TRPS1: variants seen among roughly 807,000 people sequenced by gnomAD.
TRPS1 encodes zinc finger transcription factor Trps1.
TRPS1 carries 6 observed loss-of-function variants against 101.2 expected under a neutral mutation model. The observed-to-expected ratio is 0.06, with a 90% CI of 0.03 to 0.12. TRPS1 has a LOEUF of 0.12. Ranked by LOEUF, TRPS1 falls within the 10% of genes least tolerant of loss-of-function variation. The pLI, the probability that TRPS1 is intolerant of heterozygous loss-of-function variation, is 1.00. For synonymous variants in TRPS1, 578 were observed against 589.8 expected, an observed-to-expected ratio of 0.98 and a Z score of 0.29; for missense variants, 1,363 against 1,567.0, an observed-to-expected ratio of 0.87 and a Z score of 2.20.
At chr8:115,531,277 C>T (rs976128994) in intron 5 of TRPS1, among the ~76,000 whole-genome samples, 4 of 152,088 alleles carry the variant, frequency 2.6e-5, no homozygotes, top group Non-Finnish European at 5.9e-5. Context: ...AATATTAAAC[C>T]GGCTAGTTCT....
At chr8:115,459,513 A>T (rs1180818875) in intron 5 of TRPS1, among the ~76,000 whole-genome samples, 1 of 152,164 alleles carries the variant, frequency 6.6e-6, no homozygotes. Context: ...GAATCACATG[A>T]GGCTGAGAAA....
chr8:115,475,781 A>T (rs1463778230), intron 5 of TRPS1, among the ~76,000 whole-genome samples: 1 of 152,132 alleles, frequency 6.6e-6, no homozygotes, highest in East Asian at 1.9e-4. Context: ...ATTACAAAAC[A>T]AAAGTAGTCT....
intron 5 of TRPS1, among the ~76,000 whole-genome samples, chr8:115,475,826 C>T (rs1012849299): frequency 2.0e-5 from 3 of 151,316 alleles, no homozygotes; most frequent in Admixed American, 6.6e-5. Context: ...AGTTCTACAT[C>T]CATCACATTT....
At chr8:115,469,197 C>T (rs964947523) in intron 5 of TRPS1, among the ~76,000 whole-genome samples, 2 of 152,070 alleles carry the variant, frequency 1.3e-5, no homozygotes, top group African/African-American at 4.8e-5. Flanking sequence ...AACAAAACTC[C>T]CAATTGACAA....
intron 5 of TRPS1, among the ~76,000 whole-genome samples, chr8:115,527,732 C>T (rs1032270786): frequency 3.9e-5 from 6 of 151,988 alleles, no homozygotes; most frequent in East Asian, 1.9e-4. Flanking sequence ...GATGAAGAGA[C>T]ATTTACCTCC....
chr8:115,643,793 G>A (rs546820401), intron 1 of TRPS1, among the ~76,000 whole-genome samples: 29 of 152,334 alleles, frequency 1.9e-4, no homozygotes, highest in South Asian at 4.1e-4. Context: ...ATCCACCAGA[G>A]GAATCACTAT....
At chr8:115,510,171 T>G (rs917714551) in intron 5 of TRPS1, among the ~76,000 whole-genome samples, 1 of 151,982 alleles carries the variant, frequency 6.6e-6, no homozygotes, top group African/African-American at 2.4e-5. Flanking sequence ...CCACTTATCT[T>G]AGGCTCAATT....
chr8:115,485,079 C>A (rs552124177), intron 5 of TRPS1, among the ~76,000 whole-genome samples: 12 of 152,296 alleles, frequency 7.9e-5, no homozygotes, highest in Admixed American at 3.3e-4. Flanking sequence ...GTTGACCTTA[C>A]AACAGGAGGT....
intron 2 of TRPS1, among the ~76,000 whole-genome samples, chr8:115,622,451 T>C (rs968183560): frequency 2.1e-4 from 32 of 152,300 alleles, no homozygotes; most frequent in African/African-American, 7.5e-4. Flanking sequence ...AAAATATGCA[T>C]GGTTTTAACT....
intron 1 of TRPS1, among the ~76,000 whole-genome samples, chr8:115,660,577 T>C (rs1036587380): frequency 6.6e-6 from 1 of 151,770 alleles, no homozygotes; most frequent in African/African-American, 2.4e-5. Flanking sequence ...CAGATAAAGC[T>C]ATTATGAACG....
chr8:115,586,845 C>CT, intron 5 of TRPS1, 156 bp downstream of exon 5: 1 of 1,257,486 alleles, frequency 8.0e-7, no homozygotes, highest in Non-Finnish European at 1.1e-6. Flanking sequence ...ACATGAGTTA[C>CT]TTGCTGCCAC....
chr8:115,599,376 G>C (rs1193246116), intron 4 of TRPS1, among the ~76,000 whole-genome samples: 1 of 151,818 alleles, frequency 6.6e-6, no homozygotes, highest in African/African-American at 2.4e-5. Flanking sequence ...AGACCGTGCA[G>C]GTTTGTTACA....
At chr8:115,600,701 C>T (rs1445795570) in intron 4 of TRPS1, among the ~76,000 whole-genome samples, 1 of 151,810 alleles carries the variant, frequency 6.6e-6, no homozygotes, top group Non-Finnish European at 1.5e-5. Context: ...AGAAGTCTGG[C>T]AATGCATTAC....
chr8:115,436,591 C>G (rs924201206), intron 5 of TRPS1, among the ~76,000 whole-genome samples: 1 of 152,114 alleles, frequency 6.6e-6, no homozygotes, highest in African/African-American at 2.4e-5. Context: ...GCCTTGAACT[C>G]CTGGTCTCAA....
At chr8:115,423,421 C>T (rs944511389) in intron 5 of TRPS1, among the ~76,000 whole-genome samples, 1 of 152,164 alleles carries the variant, frequency 6.6e-6, no homozygotes, top group African/African-American at 2.4e-5. Flanking sequence ...TGATCCCTTT[C>T]GGTATTTCAA....
At chr8:115,586,900 A>G in intron 5 of TRPS1, 101 bp downstream of exon 5, 1 of 1,591,138 alleles carries the variant, frequency 6.3e-7, no homozygotes, top group Non-Finnish European at 8.5e-7. Context: ...CAGATCATTA[A>G]GTTTCACTTC....
At chr8:115,446,213 A>T (rs1404897260) in intron 5 of TRPS1, among the ~76,000 whole-genome samples, 3 of 152,070 alleles carry the variant, frequency 2.0e-5, no homozygotes, top group African/African-American at 7.2e-5. Flanking sequence ...ACACTCAGAT[A>T]AGTGTTTTCA....
At chr8:115,471,194 G>A (rs1304700176) in intron 5 of TRPS1, among the ~76,000 whole-genome samples, 1 of 152,176 alleles carries the variant, frequency 6.6e-6, no homozygotes, top group Non-Finnish European at 1.5e-5. Flanking sequence ...AGAAGCGCCT[G>A]AGATTGGGTA....
chr8:115,637,669 T>C (rs1384400919), intron 1 of TRPS1, among the ~76,000 whole-genome samples: 1 of 152,236 alleles, frequency 6.6e-6, no homozygotes, highest in East Asian at 1.9e-4. Flanking sequence ...TGTTCTTTTG[T>C]TGTCATTCAT....
Sources: gnomAD v4.1 joint callset for allele counts (sites outside exome capture counted in the v4.1 genomes callset) on GRCh38, gnomAD v4.1.1 for gene constraint, MANE v1.5 for transcripts, NCBI Gene and HGNC (gene_info 2026-07-23, HGNC 2026-07-21) for gene names.